ISOC1: variants seen among roughly 807,000 people sequenced by gnomAD.
ISOC1 encodes the protein isochorismatase domain containing 1.
In ISOC1, 33 loss-of-function variants were observed where a neutral mutation model predicts 30.0. That is an observed-to-expected ratio of 1.10 (90% CI 0.83 to 1.47). The LOEUF is 1.47. ISOC1 is among the 40% of genes most tolerant of loss of function. The pLI is 0.00. For synonymous variants in ISOC1, 178 were observed against 159.8 expected (o/e 1.11, Z -0.86); for missense variants, 372 against 388.0 (o/e 0.96, Z 0.35).
chr5:129,098,910 C>A (rs1026814728), intron 1 of ISOC1, among the ~76,000 whole-genome samples: 1 of 152,030 alleles, frequency 6.6e-6, no homozygotes, highest in South Asian at 2.1e-4. Flanking sequence ...AGGAAAGGAA[C>A]CTTGTTCGCC....
intron 1 of ISOC1, 55 bp downstream of exon 1, chr5:129,095,130 G>A: frequency 6.9e-7 from 1 of 1,459,692 alleles, no homozygotes; most frequent in Non-Finnish European, 9.0e-7. Flanking sequence ...CCCCGTCCCC[G>A]TCCCTGTCCC....
At chr5:129,096,796 C>T (rs1291010760) in intron 1 of ISOC1, among the ~76,000 whole-genome samples, 2 of 152,150 alleles carry the variant, frequency 1.3e-5, no homozygotes, top group Non-Finnish European at 2.9e-5. Context: ...TTTCCTGTTA[C>T]GGCTTGGAGG....
chr5:129,100,259 G>C (rs1179283322), intron 1 of ISOC1, among the ~76,000 whole-genome samples: 1 of 150,792 alleles, frequency 6.6e-6, no homozygotes, highest in East Asian at 1.9e-4. Flanking sequence ...GCTATGGGCT[G>C]GGTGATGTGA....
chr5:129,105,194 G>T lies in ISOC1; in HGVS notation c.439G>T (p.Ala147Ser), dbSNP rs767561512. 3.7e-6 allele frequency: 6 copies of T among 1,613,480 alleles called. No homozygotes were observed. The highest frequency in any genetic ancestry group is 3.3e-5 in the South Asian group (3 of 91,014). Reference protein sequence around the residue: ...ISVGQRLLQGARILGIPVIVT... With the variant: ...ISVGQRLLQGSRILGIPVIVT... ...GGTTATTTTTTTTCAGTTGCAAGGG[G>T]CCCGGATTTTAGGAATTCCTGTTAT... The change falls in exon 3 of 5, where the codon GCC (alanine) becomes TCC (serine). Residue 147 changes from alanine (A) to serine (S), a missense_variant. Ala to Ser is a moderately conservative substitution (Grantham distance 99). Transcript: ENST00000173527.
intron 1 of ISOC1, among the ~76,000 whole-genome samples, chr5:129,095,765 TC>T (rs1753492503): frequency 6.6e-6 from 1 of 152,222 alleles, no homozygotes; most frequent in South Asian, 2.1e-4. Context: ...GACCTTGAGT[TC>T]CTGGGCCTGC....
chr5:129,114,014 A>G lies in ISOC1; in HGVS notation c.*1013A>G, dbSNP rs932481133. The stretch of plus-strand genomic sequence containing the variant: ...GTGAAACTGCTGTCTTTTATATTAA[A>G]GTAATTAAAGAAAATGTATTGTGAT... On this transcript the variant is annotated 3_prime_UTR_variant, in exon 5 of 5. Transcript: ENST00000173527. 1.3e-5 allele frequency: 2 copies of G among 152,196 alleles called. No individual in the cohort carries two copies. Among genetic ancestry groups the G allele is most frequent in the Non-Finnish European group, 2.9e-5 (2 of 68,034 alleles). The allele number at this position is 152,196 out of a possible 1,614,324, so 9.4% of individuals were successfully genotyped here. A position where few individuals can be genotyped will look rare whatever the true frequency, so the allele number is the denominator to read the frequency against.
Position 129,094,847 on chromosome 5 carries a change from G to T in ISOC1, c.81G>T (p.Pro27=). Residue 27 remains proline (P), a synonymous_variant, in exon 1 of 5, where the codon CCG becomes CCT. Coordinates refer to ENST00000173527, the MANE Select transcript of ISOC1 (RefSeq NM_016048.2). The stretch of plus-strand genomic sequence containing the variant: ...CGGGGGCGCCGTCGGGCACAGTCCC[G>T]GTGCTCTTCTGTTTCTCAGTCTTCG... ...GGAGAPSGTV[P]VLFCFSVFAR... The T allele has an allele frequency of 2.6e-6, 4 of 1,568,306 alleles. No individual in the cohort carries two copies. Among genetic ancestry groups the T allele is most frequent in the South Asian group, 2.3e-5 (2 of 85,804 alleles).
intron 1 of ISOC1, among the ~76,000 whole-genome samples, chr5:129,098,497 G>A (rs1468973713): frequency 6.6e-6 from 1 of 152,108 alleles, no homozygotes; most frequent in East Asian, 1.9e-4. Flanking sequence ...TTTTTCAAAA[G>A]GTATTTTGTA....
chr5:129,098,576 C>A (rs1014303242), intron 1 of ISOC1, among the ~76,000 whole-genome samples: 1 of 152,140 alleles, frequency 6.6e-6, no homozygotes, highest in Non-Finnish European at 1.5e-5. Flanking sequence ...ACCACCAGTG[C>A]ATTTTCCAGC....
rs544802675 is a variant in ISOC1, at chr5:129,111,297, A to T, written c.751-1558A>T. 1.1e-3 allele frequency among the ~76,000 whole-genome samples: 160 copies of T among 151,302 alleles called. 1 individual carries two copies. The South Asian group carries it at 0.017, about 16-fold the overall frequency. On this transcript the variant is annotated intron_variant, in intron 4 of 4. Coordinates refer to ENST00000173527, the MANE Select transcript of ISOC1 (RefSeq NM_016048.2). The stretch of plus-strand genomic sequence containing the variant: ...TGTTTTGTTTTATTTTGTTTTTTTT[A>T]AAAAATTGCTGCAAAGTTCTGGTTA...
intron 3 of ISOC1, among the ~76,000 whole-genome samples, 169 bp from the exon 4 acceptor site, chr5:129,106,777 T>TA (rs1474858444): frequency 6.6e-6 from 1 of 152,232 alleles, no homozygotes; most frequent in African/African-American, 2.4e-5. Flanking sequence ...AAGCCAGAGA[T>TA]ACTGTTTTAT....
Position 129,113,074 on chromosome 5 carries a change from T to A in ISOC1, c.*73T>A. 1 of 1,355,520 alleles carries A rather than the reference T, an allele frequency of 7.4e-7. No individual in the cohort carries two copies. The highest frequency in any genetic ancestry group is 1.0e-6 in the Non-Finnish European group (1 of 997,812). The allele number at this position is 1,355,520 out of a possible 1,614,324, so 84.0% of individuals were successfully genotyped here. On this transcript the variant is annotated 3_prime_UTR_variant, in exon 5 of 5. Transcript: ENST00000173527. Reference sequence around the variant, plus strand: ...TGAAGGACTGTAAGCCCACACAAGCTCTTCTTATCTCTACTAGAATTAAAA... The same window carrying A: ...TGAAGGACTGTAAGCCCACACAAGCACTTCTTATCTCTACTAGAATTAAAA...
intron 4 of ISOC1, among the ~76,000 whole-genome samples, chr5:129,108,640 T>G (rs539762385): frequency 6.6e-6 from 1 of 152,046 alleles, no homozygotes; most frequent in African/African-American, 2.4e-5. Flanking sequence ...GCCTCCCGAG[T>G]AGCTGGGATT....
In ISOC1 at chr5:129,105,342, T is replaced by C. The variant is rs1349654837; in HGVS notation, c.587T>C (p.Leu196Ser). Residue 196 changes from leucine (L) to serine (S), a missense_variant, in exon 3 of 5, where the codon TTA becomes TCA. Physicochemically the swap from Leu to Ser is moderately radical, Grantham distance 145. Transcript: ENST00000173527. ...GTATTACCAGAAGTAGAAGCGGCAT[T>C]AGCAGAGATTCCCGGAGTCAGGAGT... ...SMVLPEVEAA[L>S]AEIPGVRSVV... 6.2e-7 allele frequency: 1 copy of C among 1,613,774 alleles called. No homozygotes were observed. Among genetic ancestry groups the C allele is most frequent in the African/African-American group, 1.3e-5 (1 of 74,914 alleles).
At chr5:129,108,732 G>A (rs541853283) in intron 4 of ISOC1, among the ~76,000 whole-genome samples, 1 of 152,202 alleles carries the variant, frequency 6.6e-6, no homozygotes, top group African/African-American at 2.4e-5. Context: ...GGCTGGTCTC[G>A]AACTCCTGAC....
Position 129,095,067 on chromosome 5 carries a change from C to T in ISOC1, c.301C>T (p.Gln101Ter). The T allele has an allele frequency of 6.4e-7, 1 of 1,572,042 alleles. No individual in the cohort carries two copies. The highest frequency in any genetic ancestry group is 8.6e-7 in the Non-Finnish European group (1 of 1,163,520). Reference protein sequence around the residue: ...ERCKVRLVPLQIQLTTLGNLT... With the variant: ...ERCKVRLVPL ...CTGCAAGGTGCGCCTCGTGCCGTTG[C>T]AGATCCAGGTGGGTCCTGCGGGAGG... The change falls in exon 1 of 5, where the codon CAG becomes TAG. Residue 101 changes from glutamine (Q) to a stop codon, truncating the protein, a stop_gained. Coordinates refer to ENST00000173527, the MANE Select transcript of ISOC1 (RefSeq NM_016048.2). LOFTEE classifies it high-confidence loss of function.
intron 1 of ISOC1, chr5:129,097,785 A>G (rs1341905856): frequency 1.3e-5 from 2 of 153,186 alleles, no homozygotes; most frequent in Non-Finnish European, 2.9e-5. Flanking sequence ...CGAACACAGC[A>G]CTACTGCTTG....
At chr5:129,108,526 A>G (rs948208342) in intron 4 of ISOC1, among the ~76,000 whole-genome samples, 3 of 139,434 alleles carry the variant, frequency 2.2e-5, no homozygotes, top group Non-Finnish European at 3.1e-5. Flanking sequence ...TTTTTTTTTG[A>G]GAGATGGAGT....
At chr5:129,095,390 T>G in intron 1 of ISOC1, among the ~76,000 whole-genome samples, 1 of 152,232 alleles carries the variant, frequency 6.6e-6, no homozygotes, top group East Asian at 1.9e-4. Context: ...CAGGATCAGG[T>G]CCCAGCCTCC....
Sources: allele counts gnomAD v4.1 joint callset (sites outside exome capture counted in the v4.1 genomes callset), GRCh38; gene constraint gnomAD v4.1.1; transcripts MANE v1.5; gene names NCBI Gene and HGNC (gene_info 2026-07-23, HGNC 2026-07-21).